The following NUCB2 variants were observed in gnomAD, a reference collection of about 807,000 sequenced individuals.
NUCB2 encodes nucleobindin-2.
In NUCB2, 48 loss-of-function variants were observed where a neutral mutation model predicts 57.9. The observed-to-expected ratio is 0.83, with a 90% CI of 0.66 to 1.05. The LOEUF (loss-of-function observed/expected upper bound fraction) is 1.05. Among genes scored for constraint, NUCB2 ranks in the 50% least tolerant of loss-of-function variants. The pLI is 0.00. For synonymous variants in NUCB2, 139 were observed against 152.1 expected (o/e 0.91, Z 0.64); for missense variants, 442 against 476.2 (o/e 0.93, Z 0.67).
At chr11:17,317,080 C>CT (rs1279279152) in intron 11 of NUCB2, among the ~76,000 whole-genome samples, 1 of 152,104 alleles carries the variant, frequency 6.6e-6, no homozygotes, top group Non-Finnish European at 1.5e-5. Context: ...ATCTGGTAGA[C>CT]TAGAAGATCA....
At chr11:17,341,006 G>A (rs1591635710) in intron 2 of NUCB2, among the ~76,000 whole-genome samples, 4 of 152,202 alleles carry the variant, frequency 2.6e-5, no homozygotes, top group Admixed American at 2.6e-4. Context: ...ATTGAGCAGT[G>A]GTTTGTAATT....
intron 5 of NUCB2, among the ~76,000 whole-genome samples, chr11:17,307,468 T>C (rs1156909532): frequency 1.3e-5 from 2 of 152,236 alleles, no homozygotes; most frequent in Non-Finnish European, 2.9e-5. Flanking sequence ...CTCTTGAGTT[T>C]CTTTATATAT....
At chr11:17,344,991 A>G (rs963779019) in intron 2 of NUCB2, among the ~76,000 whole-genome samples, 2 of 152,250 alleles carry the variant, frequency 1.3e-5, no homozygotes, top group African/African-American at 4.8e-5. Flanking sequence ...TCTGGTATCT[A>G]TTAGCACACA....
intron 5 of NUCB2, among the ~76,000 whole-genome samples, chr11:17,303,962 G>A (rs1274292017): frequency 6.7e-6 from 1 of 149,910 alleles, no homozygotes; most frequent in African/African-American, 2.5e-5. Flanking sequence ...TGACAAAATT[G>A]AACACCAATT....
chr11:17,283,770 T>A (rs214070), intron 2 of NUCB2, among the ~76,000 whole-genome samples: 32,644 of 152,230 alleles, frequency 0.21, 4,402 homozygotes, highest in East Asian at 0.35. Context: ...ATGACAGAGA[T>A]AAGTTATCCC....
At chr11:17,343,728 T>C (rs543455878) in intron 2 of NUCB2, among the ~76,000 whole-genome samples, 112 of 152,294 alleles carry the variant, frequency 7.4e-4, no homozygotes, top group African/African-American at 2.6e-3. Context: ...TTTATGGAGG[T>C]ATTTATTGAA....
At chr11:17,348,350 TTG>T (rs1187421830) in intron 2 of NUCB2, among the ~76,000 whole-genome samples, 10 of 67,690 alleles carry the variant, frequency 1.5e-4, no homozygotes, top group African/African-American at 2.2e-4. Flanking sequence ...TTTTTTTTTT[TTG>T]GAGACAGAGT....
downstream of NUCB2, among the ~76,000 whole-genome samples, chr11:17,335,224 TTGA>T (rs1014536410): frequency 3.9e-5 from 6 of 151,928 alleles, no homozygotes; most frequent in East Asian, 8.1e-4. Flanking sequence ...TATCCTTTTG[TTGA>T]TGACTACTAT....
At chr11:17,298,279 T>A (rs1591336038) in intron 4 of NUCB2, among the ~76,000 whole-genome samples, 1 of 151,784 alleles carries the variant, frequency 6.6e-6, no homozygotes, top group African/African-American at 2.4e-5. Flanking sequence ...AAAAAAATCA[T>A]CTGAGGCCAG....
Position 17,330,883 on chromosome 11 carries a change from T to C in NUCB2, c.1174-19T>C, listed in dbSNP as rs1489259169. 5.4e-6 allele frequency: 8 copies of C among 1,473,648 alleles called. No homozygotes were observed. The highest frequency in any genetic ancestry group is 7.6e-6 in the Non-Finnish European group (8 of 1,051,806). 91.3% of individuals were successfully genotyped at this position (1,473,648 alleles called of 1,614,324 possible). A position where few individuals can be genotyped will look rare whatever the true frequency, so the allele number is the denominator to read the frequency against. ...AGAAAATCAAGTTATACTTTTAACT[T>C]TCATTTTCCATTCACCAGGTCATAC... On this transcript the variant is annotated intron_variant, in intron 12 of 13. Transcript: ENST00000529010. This position sits in a 1 kb window ranked among gnomAD's most constrained non-coding sequence, Gnocchi z 4.3.
intron 11 of NUCB2, among the ~76,000 whole-genome samples, chr11:17,316,281 T>A (rs766347813): frequency 1.3e-5 from 2 of 152,208 alleles, no homozygotes; most frequent in African/African-American, 4.8e-5. Context: ...GTCATATTTA[T>A]GTATTTTTTA....
At position 17,330,826 on chromosome 11, in the gene NUCB2, TG is replaced by T. The variant is rs1951301229; in HGVS notation, c.1174-75del. 5.7e-6 allele frequency: 5 copies of T among 872,226 alleles called. No homozygotes were observed. The highest frequency in any genetic ancestry group is 2.2e-4 in the Middle Eastern group (1 of 4,532). 54.0% of individuals were successfully genotyped at this position (872,226 alleles called of 1,614,324 possible). On this transcript the variant is annotated intron_variant, in intron 12 of 13. Transcript: ENST00000529010. This position sits in a 1 kb window ranked among gnomAD's most constrained non-coding sequence, Gnocchi z 4.3. ...TTTAGAAAACAATTTTCATTTACTT[TG>T]TTGTGCTTTGTCAAAGGTCACACAT... is the stretch of plus-strand genomic sequence containing the variant.
downstream of NUCB2, among the ~76,000 whole-genome samples, chr11:17,336,610 C>A (rs1042272822): frequency 2.0e-5 from 3 of 151,150 alleles, no homozygotes; most frequent in Non-Finnish European, 4.4e-5. Flanking sequence ...AAAAATTAGC[C>A]GGGCGTGGTG....
chr11:17,280,026 C>T (rs985311986), intron 1 of NUCB2, among the ~76,000 whole-genome samples: 1 of 152,116 alleles, frequency 6.6e-6, no homozygotes, highest in African/African-American at 2.4e-5. Flanking sequence ...CTTCTAGGCT[C>T]AAGCGATCTG....
intron 2 of NUCB2, 39 bp from the exon 3 acceptor site, chr11:17,295,285 A>G (rs752601836): frequency 3.8e-6 from 6 of 1,572,714 alleles, no homozygotes; most frequent in Non-Finnish European, 5.2e-6. Flanking sequence ...GAGTTAAAAC[A>G]TTATTCATGA....
intron 2 of NUCB2, among the ~76,000 whole-genome samples, chr11:17,345,433 G>A (rs770540324): frequency 6.6e-6 from 1 of 152,140 alleles, no homozygotes; most frequent in Non-Finnish European, 1.5e-5. Context: ...TTTTGGCTGG[G>A]TGCGGTGGCT....
chr11:17,346,386 G>C (rs2139677748), intron 2 of NUCB2, among the ~76,000 whole-genome samples: 1 of 152,286 alleles, frequency 6.6e-6, no homozygotes, highest in African/African-American at 2.4e-5. Flanking sequence ...AAATCATGTG[G>C]AAAAGCACCT....
At chr11:17,323,032 A>G (rs898929443) in intron 11 of NUCB2, among the ~76,000 whole-genome samples, 2 of 146,120 alleles carry the variant, frequency 1.4e-5, no homozygotes, top group African/African-American at 2.8e-5. Context: ...GCAAACAAGG[A>G]TAGTTTGACT....
At chr11:17,306,027 A>G (rs758359076) in intron 5 of NUCB2, among the ~76,000 whole-genome samples, 1 of 152,244 alleles carries the variant, frequency 6.6e-6, no homozygotes, top group Admixed American at 6.5e-5. Flanking sequence ...ATTGTAAATG[A>G]ATTAAAGATT....
Sources: gnomAD v4.1 joint callset for allele counts (sites outside exome capture counted in the v4.1 genomes callset) on GRCh38, gnomAD v4.1.1 for gene constraint, Gnocchi (gnomAD v3.1) non-coding constraint, MANE v1.5 for transcripts, NCBI Gene and HGNC (gene_info 2026-07-23, HGNC 2026-07-21) for gene names.